Variants in TNFRSF19 observed in about 807,000 individuals in gnomAD.
TNFRSF19 encodes TNF receptor superfamily member 19, also known as tumor necrosis factor receptor superfamily member 19.
In TNFRSF19, 27 loss-of-function variants were observed where a neutral mutation model predicts 46.4. That is an observed-to-expected ratio of 0.58 (90% CI 0.43 to 0.80). TNFRSF19 has a LOEUF of 0.80. Ranked by LOEUF, TNFRSF19 falls within the 30% of genes least tolerant of loss-of-function variation. The pLI is 0.00. For synonymous variants in TNFRSF19, 204 were observed against 205.0 expected (o/e 1.00, Z 0.04); for missense variants, 511 against 530.8 (o/e 0.96, Z 0.37).
chr13:23,660,332 T>C (rs1272462335), intron 6 of TNFRSF19, 33 bp from the exon 7 acceptor site: 2 of 1,597,244 alleles, frequency 1.3e-6, no homozygotes, highest in Non-Finnish European at 1.7e-6. Context: ...GAGGAGACTG[T>C]GTTCCCTGAC....
chr13:23,667,747 C>T (rs1446024888), intron 7 of TNFRSF19, among the ~76,000 whole-genome samples: 1 of 152,014 alleles, frequency 6.6e-6, no homozygotes, highest in Non-Finnish European at 1.5e-5. Context: ...GCTCCAGCCC[C>T]CTAGCATCCC....
chr13:23,628,483 C>T (rs1483859457), intron 5 of TNFRSF19, among the ~76,000 whole-genome samples: 1 of 152,170 alleles, frequency 6.6e-6, no homozygotes, highest in Non-Finnish European at 1.5e-5. Context: ...TCATGCACTG[C>T]AGCCCAGACT....
chr13:23,613,514 T>C (rs1881043530), intron 3 of TNFRSF19, among the ~76,000 whole-genome samples: 1 of 152,210 alleles, frequency 6.6e-6, no homozygotes, highest in Admixed American at 6.5e-5. Context: ...TTTCTCTGCA[T>C]TCTCCTTTCT....
At chr13:23,644,512 G>C (rs942309831) in intron 5 of TNFRSF19, among the ~76,000 whole-genome samples, 2 of 152,136 alleles carry the variant, frequency 1.3e-5, no homozygotes, top group African/African-American at 4.8e-5. Context: ...GGCCTCCCCA[G>C]CCCTGCTGAA....
In TNFRSF19 at chr13:23,667,068, T is replaced by TTGTG. The variant is rs140913976; in HGVS notation, c.737-897_737-894dup. Among the ~76,000 whole-genome samples the TTGTG allele has an allele frequency of 4.7e-5, 7 of 149,702 alleles. 1 individual carries two copies. The highest frequency in any genetic ancestry group is 1.2e-4 in the African/African-American group (5 of 40,736). On this transcript the variant is annotated intron_variant, in intron 7 of 9. Coordinates refer to ENST00000248484, the MANE Select transcript of TNFRSF19 (RefSeq NM_148957.4). Reference sequence around the variant, plus strand: ...TCTTCCTTTGTGTATGTGTGTGTCTTTGTGTGTGTGTGTGTGTGCTTTAGT... The same window carrying TTGTG: ...TCTTCCTTTGTGTATGTGTGTGTCTTTGTGTGTGTGTGTGTGTGTGTGCTTTAGT...
At chr13:23,577,855 C>T (rs1324075774) in intron 1 of TNFRSF19, among the ~76,000 whole-genome samples, 1 of 152,114 alleles carries the variant, frequency 6.6e-6, no homozygotes, top group East Asian at 1.9e-4. Context: ...CAGTGAGGAA[C>T]CTCCTGTGAC....
chr13:23,626,615 A>G (rs1046380885), intron 4 of TNFRSF19, 92 bp from the exon 5 acceptor site: 13 of 1,202,298 alleles, frequency 1.1e-5, no homozygotes, highest in Non-Finnish European at 1.6e-5. Context: ...TTTTAACCGT[A>G]GAACTGGTAA....
chr13:23,581,373 C>T (rs1229222741), intron 1 of TNFRSF19, among the ~76,000 whole-genome samples: 1 of 152,138 alleles, frequency 6.6e-6, no homozygotes, highest in Non-Finnish European at 1.5e-5. Context: ...GTCTCAATCT[C>T]CTGACCGCGT....
chr13:23,657,862 C>T lies in TNFRSF19; in HGVS notation c.446-1188C>T, dbSNP rs74332202. Among the ~76,000 whole-genome samples, 612 of 152,160 alleles carry T rather than the reference C, an allele frequency of 4.0e-3. 2 individuals carry two copies. Among genetic ancestry groups the T allele is most frequent in the Non-Finnish European group, 5.7e-3 (386 of 67,990 alleles). On this transcript the variant is annotated intron_variant, in intron 5 of 9. Transcript: ENST00000248484. ...GCCACCGCACCTTGCCTCTCTTTTA[C>T]GTTTTAAATGTGGTTCCTAGACAAC...
intron 4 of TNFRSF19, among the ~76,000 whole-genome samples, chr13:23,616,853 A>G (rs1470034943): frequency 6.6e-6 from 1 of 152,220 alleles, no homozygotes; most frequent in African/African-American, 2.4e-5. Flanking sequence ...TGCTGGGATT[A>G]CAGGTGTGAG....
At chr13:23,600,020 A>T (rs1396025699) in intron 3 of TNFRSF19, among the ~76,000 whole-genome samples, 2 of 152,188 alleles carry the variant, frequency 1.3e-5, no homozygotes, top group Middle Eastern at 3.2e-3. Flanking sequence ...AACTTCACAG[A>T]TTCTGAGACA....
chr13:23,584,119 T>C (rs1195162612), intron 1 of TNFRSF19, among the ~76,000 whole-genome samples: 4 of 132,830 alleles, frequency 3.0e-5, no homozygotes, highest in Admixed American at 1.4e-4. Context: ...GAACAGGTGG[T>C]ATTTGGTTGC....
chr13:23,616,182 T>C (rs1329065537), intron 4 of TNFRSF19, 137 bp downstream of exon 4: 1 of 907,462 alleles, frequency 1.1e-6, no homozygotes, highest in African/African-American at 1.7e-5. Flanking sequence ...GTGACTTCTT[T>C]CAGTATTAAC....
At chr13:23,658,304 A>T (rs935095064) in intron 5 of TNFRSF19, among the ~76,000 whole-genome samples, 54 of 152,308 alleles carry the variant, frequency 3.5e-4, no homozygotes, top group Admixed American at 3.2e-3. Flanking sequence ...ATTTGAACAG[A>T]TGGCAACTTG....
intron 5 of TNFRSF19, among the ~76,000 whole-genome samples, chr13:23,646,236 C>A (rs537473318): frequency 1.3e-5 from 2 of 152,274 alleles, no homozygotes; most frequent in South Asian, 4.1e-4. Context: ...CCCTGAAGCC[C>A]CCCCAATCAC....
chr13:23,658,075 C>A (rs1018165417), intron 5 of TNFRSF19, among the ~76,000 whole-genome samples: 1 of 149,346 alleles, frequency 6.7e-6, no homozygotes. Flanking sequence ...CTTTTAAATC[C>A]ATTTCTCTCA....
chr13:23,616,062 C>A lies in TNFRSF19; in HGVS notation c.359+17C>A. 6.4e-7 allele frequency: 1 copy of A among 1,570,494 alleles called. No individual in the cohort carries two copies. The highest frequency in any genetic ancestry group is 2.3e-5 in the East Asian group (1 of 43,896). ...CTTGCCAGGGTGAGTTGGCCAGTTT[C>A]TTTCACTTGTAATTATTTAATTAAG... On this transcript the variant is annotated intron_variant, in intron 4 of 9. Coordinates refer to ENST00000248484, the MANE Select transcript of TNFRSF19 (RefSeq NM_148957.4).
intron 5 of TNFRSF19, among the ~76,000 whole-genome samples, chr13:23,636,642 A>G (rs1882704959): frequency 6.6e-6 from 1 of 152,188 alleles, no homozygotes; most frequent in Non-Finnish European, 1.5e-5. Context: ...AGGTGACCCT[A>G]GGACAGGGCC....
intron 3 of TNFRSF19, among the ~76,000 whole-genome samples, chr13:23,603,264 C>CA (rs1160199151): frequency 2.6e-5 from 4 of 152,014 alleles, no homozygotes; most frequent in Admixed American, 6.6e-5. Flanking sequence ...CGCAGTCTGA[C>CA]AAAGCTCACA....
Sources: allele counts gnomAD v4.1 joint callset (sites outside exome capture counted in the v4.1 genomes callset), GRCh38; gene constraint gnomAD v4.1.1; transcripts MANE v1.5; gene names NCBI Gene and HGNC (gene_info 2026-07-23, HGNC 2026-07-21).